NUCB2: variants seen among roughly 807,000 people sequenced by gnomAD.
NUCB2 encodes the protein nucleobindin-2.
Under a neutral mutation model 57.9 loss-of-function variants are expected in NUCB2, and 48 were observed. The observed-to-expected ratio is 0.83, with a 90% CI of 0.66 to 1.05. NUCB2 has a LOEUF of 1.05. NUCB2 is among the 50% of genes least tolerant of loss of function. The pLI, the probability that NUCB2 is intolerant of heterozygous loss-of-function variation, is 0.00. For synonymous variants in NUCB2, 139 were observed against 152.1 expected, an observed-to-expected ratio of 0.91 and a Z score of 0.64; for missense variants, 442 against 476.2, an observed-to-expected ratio of 0.93 and a Z score of 0.67.
chr11:17,295,271 T>C (rs1945643923), intron 2 of NUCB2, 53 bp from the exon 3 acceptor site: 1 of 1,527,838 alleles, frequency 6.5e-7, no homozygotes. Context: ...AATGCATGTA[T>C]ATAGAGTTAA....
Position 17,296,105 on chromosome 11 carries a change from A to G in NUCB2, c.146A>G (p.Asp49Gly). 1.3e-6 allele frequency: 2 copies of G among 1,590,878 alleles called. No individual in the cohort carries two copies. The highest frequency in any genetic ancestry group is 1.7e-6 in the Non-Finnish European group (2 of 1,161,574). ...PVESAKIEPP[D>G]TGLYYDEYLK... Reference sequence around the variant, plus strand: ...TACTGTTGGTTTCTTAATTTGAAGGATACTGGACTTTATTATGATGAATAT... The same window carrying G: ...TACTGTTGGTTTCTTAATTTGAAGGGTACTGGACTTTATTATGATGAATAT... Residue 49 changes from aspartate to glycine, a missense_variant and splice_region_variant, in exon 4 of 14, where the codon GAT becomes GGT. By Grantham distance (94) the Asp-to-Gly change is moderately conservative. Transcript: ENST00000529010.
chr11:17,324,193 A>T (rs1021338748), intron 11 of NUCB2, among the ~76,000 whole-genome samples: 4 of 152,112 alleles, frequency 2.6e-5, no homozygotes, highest in Admixed American at 2.6e-4. Context: ...TTATAACTAT[A>T]ATTTTCCCTC....
At position 17,288,953 on chromosome 11, in the gene NUCB2, ATATATATATAT is replaced by A. The variant is rs1392488170; in HGVS notation, c.-1+6012_-1+6022del. Among the ~76,000 whole-genome samples, 6 of 35,198 alleles carry A rather than the reference ATATATATATAT, an allele frequency of 1.7e-4. 1 individual carries two copies. The highest frequency in any genetic ancestry group is 1.3e-3 in the African/African-American group (5 of 3,818). The allele number at this position is 35,198 out of a possible 152,430, so 23.1% of individuals were successfully genotyped here. A position where few individuals can be genotyped will look rare whatever the true frequency, so the allele number is the denominator to read the frequency against. ...CACACACACACACACACACACACAT[ATATATATATAT>A]TTTTTTTTTTTGAGATGGAGTTTTG... On this transcript the variant is annotated intron_variant, in intron 2 of 13. Transcript: ENST00000529010.
chr11:17,322,497 T>C, intron 11 of NUCB2, among the ~76,000 whole-genome samples: 1 of 152,132 alleles, frequency 6.6e-6, no homozygotes, highest in Non-Finnish European at 1.5e-5. Context: ...TGACTATAGT[T>C]TTGTAGGATA....
Position 17,301,792 on chromosome 11 carries a change from A to G in NUCB2, c.301A>G (p.Thr101Ala), listed in dbSNP as rs1213373664. 1.2e-6 allele frequency: 2 copies of G among 1,610,832 alleles called. No individual in the cohort carries two copies. The highest frequency in any genetic ancestry group is 2.7e-5 in the African/African-American group (2 of 74,888). The change falls in exon 5 of 14, where the codon ACA becomes GCA. Residue 101 changes from threonine (T) to alanine (A), a missense_variant. Thr to Ala is a moderately conservative substitution (Grantham distance 58, BLOSUM62 0). Coordinates refer to ENST00000529010, the MANE Select transcript of NUCB2 (RefSeq NM_005013.4). ...GGATTTAGTAAGTCACCATGTGAGGACAAAACTTGATGAACTGAAAAGGCA... is the reference window on the plus strand; with the variant it reads ...GGATTTAGTAAGTCACCATGTGAGGGCAAAACTTGATGAACTGAAAAGGCA... ...ELDLVSHHVR[T>A]KLDELKRQEV...
chr11:17,343,492 T>C (rs778110504), intron 2 of NUCB2, among the ~76,000 whole-genome samples: 1 of 152,252 alleles, frequency 6.6e-6, no homozygotes, highest in South Asian at 2.1e-4. Flanking sequence ...GAGGCACATA[T>C]GCAGTCTGTG....
chr11:17,297,404 T>C (rs1945997125), intron 4 of NUCB2, among the ~76,000 whole-genome samples: 1 of 152,208 alleles, frequency 6.6e-6, no homozygotes, highest in Admixed American at 6.5e-5. Flanking sequence ...TGGCATTTAG[T>C]TCGCAGCTCT....
intron 10 of NUCB2, among the ~76,000 whole-genome samples, chr11:17,314,126 T>C (rs1257198731): frequency 6.6e-6 from 1 of 152,086 alleles, no homozygotes; most frequent in Non-Finnish European, 1.5e-5. Context: ...TTAACTTCTT[T>C]CCTCACATCC....
intron 1 of NUCB2, among the ~76,000 whole-genome samples, chr11:17,281,097 G>A (rs1942465573): frequency 6.6e-6 from 1 of 152,064 alleles, no homozygotes; most frequent in Non-Finnish European, 1.5e-5. Flanking sequence ...AACTGGTCTT[G>A]CTTGCTTTTT....
Position 17,323,015 on chromosome 11 carries a change from A to G in NUCB2, c.1003-7112A>G, listed in dbSNP as rs80276315. On this transcript the variant is annotated intron_variant, in intron 11 of 13. Transcript: ENST00000529010. ...AGGTTTTTCCCAAATATAAGATTATATCATCTGCAAACAAGGATAGTTTGA... is the reference window on the plus strand; with the variant it reads ...AGGTTTTTCCCAAATATAAGATTATGTCATCTGCAAACAAGGATAGTTTGA... 2.1e-3 allele frequency among the ~76,000 whole-genome samples: 313 copies of G among 149,424 alleles called. 2 individuals are homozygous for G. The highest frequency in any genetic ancestry group is 7.5e-3 in the African/African-American group (291 of 39,014).
Position 17,310,928 on chromosome 11 carries a change from A to G in NUCB2, c.587A>G (p.Asn196Ser). Residue 196 changes from asparagine (N) to serine (S), a missense_variant, in exon 7 of 14, where the codon AAT (asparagine) becomes AGT (serine). Physicochemically the swap from Asn to Ser is conservative, Grantham distance 46. Transcript: ENST00000529010. ...HERREYLKTLNEEKRKEEESK... is the reference protein window; with the variant it reads ...HERREYLKTLSEEKRKEEESK... ...AGGAGAGAATATTTAAAAACATTGA[A>G]TGAAGAAAAGAGAAAAGAAGAAGAG... 1 of 1,593,170 alleles carries G rather than the reference A, an allele frequency of 6.3e-7. No homozygotes were observed. The highest frequency in any genetic ancestry group is 8.5e-7 in the Non-Finnish European group (1 of 1,172,788).
intron 4 of NUCB2, among the ~76,000 whole-genome samples, chr11:17,296,499 AGATTATAGGATG>A (rs1286900943): frequency 1.3e-5 from 2 of 152,210 alleles, no homozygotes; most frequent in Non-Finnish European, 2.9e-5. Context: ...ATCCAGAAAT[AGATTATAGGATG>A]GATTATATGA....
intron 5 of NUCB2, among the ~76,000 whole-genome samples, chr11:17,304,056 A>C (rs188229918): frequency 6.6e-6 from 1 of 152,306 alleles, no homozygotes; most frequent in Admixed American, 6.5e-5. Context: ...CATCATACTT[A>C]GTGGGGAAGC....
chr11:17,295,887 A>T (rs1945746921), intron 3 of NUCB2, among the ~76,000 whole-genome samples: 1 of 152,212 alleles, frequency 6.6e-6, no homozygotes, highest in Admixed American at 6.5e-5. Flanking sequence ...GAGTGTCGTA[A>T]AAAAGAAAAA....
chr11:17,331,398 C>CT lies in NUCB2; in HGVS notation c.1256-8dup. 2.8e-6 allele frequency: 4 copies of CT among 1,429,788 alleles called. No homozygotes were observed. Among genetic ancestry groups the CT allele is most frequent in the Non-Finnish European group, 2.8e-6 (3 of 1,079,364 alleles). 88.6% of individuals were successfully genotyped at this position (1,429,788 alleles called of 1,614,324 possible). A position where few individuals can be genotyped will look rare whatever the true frequency, so the allele number is the denominator to read the frequency against. ...ATACTTTTAAAATAAGAACTTTTTT[C>CT]TTTTTTCCAACAGACATTTAAAGTC... On this transcript the variant is annotated splice_polypyrimidine_tract_variant and intron_variant, in intron 13 of 13. Coordinates refer to ENST00000529010, the MANE Select transcript of NUCB2 (RefSeq NM_005013.4).
rs895366345 is a variant in NUCB2, at chr11:17,282,944, G to A, written c.-1+1G>A. On this transcript the variant is annotated splice_donor_variant, in intron 2 of 13. Coordinates refer to ENST00000529010, the MANE Select transcript of NUCB2 (RefSeq NM_005013.4). LOFTEE classifies it low-confidence loss of function (5UTR_SPLICE). ...ATAAAAATTATTTACCTGCCTGAAC[G>A]TAAGTACTCAATAATTGCATTTGGT... 5 of 151,922 alleles carry A rather than the reference G, an allele frequency of 3.3e-5. No homozygotes were observed. Among genetic ancestry groups the A allele is most frequent in the Middle Eastern group, 3.2e-3 (1 of 316 alleles). The allele number at this position is 151,922 out of a possible 1,614,324, so 9.4% of individuals were successfully genotyped here.
chr11:17,315,526 A>G (rs762519832), intron 11 of NUCB2, 51 bp downstream of exon 11: 1 of 1,070,778 alleles, frequency 9.3e-7, no homozygotes, highest in Non-Finnish European at 1.4e-6. Flanking sequence ...ATTCTACATC[A>G]GTCTATTCTA....
rs185469236 is a variant in NUCB2, at chr11:17,289,615, T to A, written c.1-5709T>A. Among the ~76,000 whole-genome samples the A allele has an allele frequency of 2.0e-5, 3 of 152,312 alleles. No individual in the cohort carries two copies. In the East Asian group the frequency reaches 5.8e-4, roughly 29 times the overall value. On this transcript the variant is annotated intron_variant, in intron 2 of 13. Transcript: ENST00000529010. Reference sequence around the variant, plus strand: ...CTTCCTTTAGCTCAGCCACCATCCATCAACCCCATACTTCTTAAAAATGCT... The same window carrying A: ...CTTCCTTTAGCTCAGCCACCATCCAACAACCCCATACTTCTTAAAAATGCT...
chr11:17,341,314 TCCTGCCTGATTGC>T lies in NUCB2; in HGVS notation n.2626+3785_2626+3797del, dbSNP rs1431135030. Among the ~76,000 whole-genome samples, 20 of 151,992 alleles carry T rather than the reference TCCTGCCTGATTGC, an allele frequency of 1.3e-4. No individual in the cohort carries two copies. The East Asian group carries it at 2.7e-3, about 21-fold the overall frequency. On this transcript the variant is annotated intron_variant and non_coding_transcript_variant, in intron 2 of 2. Transcript: ENST00000532240. ...TAATTGAATACCCTTTATTTCCTTC[TCCTGCCTGATTGC>T]CCTGGCCAGAACTTCCAACACTATG...
Sources: allele counts gnomAD v4.1 joint callset (sites outside exome capture counted in the v4.1 genomes callset), GRCh38; gene constraint gnomAD v4.1.1; transcripts MANE v1.5; gene names NCBI Gene and HGNC (gene_info 2026-07-23, HGNC 2026-07-21).